The following ABCA3 variants were observed in gnomAD, a reference collection of about 807,000 sequenced individuals.
ABCA3 encodes the protein phospholipid-transporting ATPase ABCA3.
A neutral mutation model predicts 172.8 loss-of-function variants in ABCA3; 88 were observed. The observed-to-expected ratio is 0.51, with a 90% CI of 0.43 to 0.61. The LOEUF (loss-of-function observed/expected upper bound fraction) is 0.61. ABCA3 is among the 20% of genes least tolerant of loss of function. ABCA3 has a pLI of 0.00. For synonymous variants in ABCA3, 1,066 were observed against 983.8 expected (o/e 1.08, Z -1.56); for missense variants, 2,164 against 2,301.0 (o/e 0.94, Z 1.22).
rs2093650739 is a variant in ABCA3, at chr16:2,278,804, C to T, written c.4547+139G>A. On this transcript the variant is annotated intron_variant, in intron 29 of 32. Transcript: ENST00000301732. The surrounding 1 kb of genome is among the most constrained non-coding windows in gnomAD (Gnocchi z 4.4). ...TTCCTACGTGGAGCTACCTGGGTCA[C>T]ACCACCACATCCCAGCTCCATCCTG... The T allele has an allele frequency of 4.5e-6, 6 of 1,328,062 alleles. No individual in the cohort carries two copies. The South Asian group carries it at 5.0e-5, about 11-fold the overall frequency. The allele number at this position is 1,328,062 out of a possible 1,614,324, so 82.3% of individuals were successfully genotyped here. A position where few individuals can be genotyped will look rare whatever the true frequency, so the allele number is the denominator to read the frequency against.
At chr16:2,307,868 G>A (rs2093700314) in intron 11 of ABCA3, among the ~76,000 whole-genome samples, 3 of 152,166 alleles carry the variant, frequency 2.0e-5, no homozygotes, top group African/African-American at 4.8e-5. Flanking sequence ...GCCTCCCAAA[G>A]TGCTGGGATT....
At chr16:2,316,546 C>G (rs185117679) in intron 10 of ABCA3, among the ~76,000 whole-genome samples, 1 of 122,604 alleles carries the variant, frequency 8.2e-6, no homozygotes, top group African/African-American at 3.1e-5. Context: ...GGCGTGGTGG[C>G]ACACGCCTGT....
rs111920746 is a variant in ABCA3, at chr16:2,328,024, A to G, written c.-27+429T>C. Among the ~76,000 whole-genome samples the G allele has an allele frequency of 3.5e-3, 532 of 152,276 alleles. 2 individuals carry two copies. The highest frequency in any genetic ancestry group is 0.012 in the African/African-American group (497 of 41,558). On this transcript the variant is annotated intron_variant, in intron 3 of 32. Transcript: ENST00000301732. ...GCGTGAGCCACTGTGCCCAGCTGCCATTTTCATCTTTACCATCTGTCCAAC... is the reference window on the plus strand; with the variant it reads ...GCGTGAGCCACTGTGCCCAGCTGCCGTTTTCATCTTTACCATCTGTCCAAC...
Position 2,324,534 on chromosome 16 carries a change from G to A in ABCA3, c.320-3C>T, listed in dbSNP as rs772159859. The stretch of plus-strand genomic sequence containing the variant: ...CTTCTCGGAGGGAAAGCCGCGCACT[G>A]CAAAGAGAGAGCACGGGAGCTGTGG... On this transcript the variant is annotated splice_region_variant and splice_polypyrimidine_tract_variant and intron_variant, in intron 5 of 32. Transcript: ENST00000301732. The A allele has an allele frequency of 3.1e-6, 5 of 1,608,914 alleles. No homozygotes were observed. The highest frequency in any genetic ancestry group is 2.5e-6 in the Non-Finnish European group (3 of 1,179,950).
chr16:2,317,884 G>T (rs1416542688), intron 8 of ABCA3, 120 bp from the exon 9 acceptor site: 1 of 839,516 alleles, frequency 1.2e-6, no homozygotes, highest in Non-Finnish European at 2.0e-6. Context: ...ATTCGACAGG[G>T]TCTTACTATG....
intron 26 of ABCA3, among the ~76,000 whole-genome samples, chr16:2,282,653 C>A (rs2093656924): frequency 7.1e-6 from 1 of 140,116 alleles, no homozygotes; most frequent in East Asian, 2.2e-4. Flanking sequence ...GACTGGGCAC[C>A]CCTCAGCCCC....
intron 19 of ABCA3, 58 bp from the exon 20 acceptor site, chr16:2,289,678 G>A: frequency 2.0e-6 from 3 of 1,531,208 alleles, no homozygotes; most frequent in Non-Finnish European, 1.8e-6. Context: ...GGTGGAGGGA[G>A]GGACTATGGT....
chr16:2,315,805 AG>A (rs928497025), intron 10 of ABCA3, among the ~76,000 whole-genome samples: 7 of 149,012 alleles, frequency 4.7e-5, no homozygotes, highest in African/African-American at 1.2e-4. Flanking sequence ...CTAGGACCAC[AG>A]GGGCATGCCA....
Position 2,299,383 on chromosome 16 carries a change from G to C in ABCA3, c.1741+20C>G. On this transcript the variant is annotated intron_variant, in intron 14 of 32. Coordinates refer to ENST00000301732, the MANE Select transcript of ABCA3 (RefSeq NM_001089.3). Reference sequence around the variant, plus strand: ...AGGGGGGCCTGCTGGTGGCAGGGGCGTGAGGCGCCTGGCCCTCACCTGTGA... The same window carrying C: ...AGGGGGGCCTGCTGGTGGCAGGGGCCTGAGGCGCCTGGCCCTCACCTGTGA... The C allele has an allele frequency of 6.2e-7, 1 of 1,612,844 alleles. No homozygotes were observed. Among genetic ancestry groups the C allele is most frequent in the African/African-American group, 1.3e-5 (1 of 75,026 alleles).
Position 2,283,443 on chromosome 16 carries a change from G to T in ABCA3, c.3863-85C>A. On this transcript the variant is annotated intron_variant, in intron 25 of 32. Transcript: ENST00000301732. The surrounding 1 kb of genome is among the most constrained non-coding windows in gnomAD (Gnocchi z 5.4). Reference sequence around the variant, plus strand: ...TTCCCGGCCCCCACTCCCCTCCCCAGGCTGCTCAAGGCGCCTGTAACAATG... The same window carrying T: ...TTCCCGGCCCCCACTCCCCTCCCCATGCTGCTCAAGGCGCCTGTAACAATG... 1 of 1,469,522 alleles carries T rather than the reference G, an allele frequency of 6.8e-7. No individual in the cohort carries two copies. Among genetic ancestry groups the T allele is most frequent in the Non-Finnish European group, 9.3e-7 (1 of 1,077,518 alleles). The allele number at this position is 1,469,522 out of a possible 1,614,324, so 91.0% of individuals were successfully genotyped here. A position where few individuals can be genotyped will look rare whatever the true frequency, so the allele number is the denominator to read the frequency against.
intron 1 of ABCA3, among the ~76,000 whole-genome samples, chr16:2,338,012 T>A (rs1272852001): frequency 6.6e-6 from 1 of 152,204 alleles, no homozygotes; most frequent in African/African-American, 2.4e-5. Context: ...CTACTGCCTG[T>A]TTCCCTAACC....
chr16:2,335,329 G>A (rs2093750091), intron 1 of ABCA3, among the ~76,000 whole-genome samples: 1 of 152,036 alleles, frequency 6.6e-6, no homozygotes, highest in African/African-American at 2.4e-5. Context: ...TTTGTTTCCT[G>A]TAGGGACAGG....
At chr16:2,282,069 C>A (rs1369512961) in intron 26 of ABCA3, among the ~76,000 whole-genome samples, 1 of 152,170 alleles carries the variant, frequency 6.6e-6, no homozygotes, top group Non-Finnish European at 1.5e-5. Flanking sequence ...GGATTACAGG[C>A]ATTAGCCACC....
intron 12 of ABCA3, among the ~76,000 whole-genome samples, chr16:2,300,964 C>T (rs1471025990): frequency 1.3e-5 from 2 of 150,146 alleles, no homozygotes; most frequent in East Asian, 3.9e-4. Flanking sequence ...GGCACGGTGG[C>T]TCGAGCCTGT....
In ABCA3 at chr16:2,323,673, G is replaced by A. The variant is rs1596864705; in HGVS notation, c.463C>T (p.Arg155Trp). The change falls in exon 7 of 33, where the codon CGG becomes TGG. Residue 155 changes from arginine to tryptophan, a missense_variant. Arg to Trp is a moderately radical substitution (Grantham distance 101). This residue lies in a region of ABCA3 where 1,343 missense variants were observed against 1,369.6 expected (regional missense o/e 0.98). Coordinates refer to ENST00000301732, the MANE Select transcript of ABCA3 (RefSeq NM_001089.3). ...PLPLAVKYHL[R>W]FSYTRRNYMW... is the part of the protein sequence containing the mutation. ...TAATTTCTCCGTGTGTAACTGAACC[G>A]TAGGTGATATTTCACCTGTGGAAAC... 8 of 1,614,154 alleles carry A rather than the reference G, an allele frequency of 5.0e-6. No individual in the cohort carries two copies. Among genetic ancestry groups the A allele is most frequent in the Non-Finnish European group, 6.8e-6 (8 of 1,180,018 alleles).
rs1165416001 is a variant in ABCA3 at position 2,328,683 on chromosome 16, C to T, written c.-257G>A. 3 of 389,676 alleles carry T rather than the reference C, an allele frequency of 7.7e-6. No homozygotes were observed. Among genetic ancestry groups the T allele is most frequent in the African/African-American group, 6.2e-5 (3 of 48,128 alleles). 24.1% of individuals were successfully genotyped at this position (389,676 alleles called of 1,614,324 possible). On this transcript the variant is annotated 5_prime_UTR_variant, in exon 3 of 33. Coordinates refer to ENST00000301732, the MANE Select transcript of ABCA3 (RefSeq NM_001089.3). ...AGAGGAGTCCTTCCCGCTCAGCGTC[C>T]TTCATGTGCGGAAAAGCCTCCTTGA...
chr16:2,331,239 A>T lies in ABCA3; in HGVS notation c.-538-1385T>A, dbSNP rs1386566432. Among the ~76,000 whole-genome samples, 3 of 151,970 alleles carry T rather than the reference A, an allele frequency of 2.0e-5. No homozygotes were observed. The South Asian group carries it at 6.2e-4, about 32-fold the overall frequency. On this transcript the variant is annotated intron_variant, in intron 1 of 32. Coordinates refer to ENST00000301732, the MANE Select transcript of ABCA3 (RefSeq NM_001089.3). Reference sequence around the variant, plus strand: ...TTTCTTTTCTTTTTTTCTGAGACAGAGTCTCGCTCTGTCGCCGAGGCTGGG... The same window carrying T: ...TTTCTTTTCTTTTTTTCTGAGACAGTGTCTCGCTCTGTCGCCGAGGCTGGG...
chr16:2,325,216 C>T (rs911285972), intron 5 of ABCA3, among the ~76,000 whole-genome samples: 2 of 152,162 alleles, frequency 1.3e-5, no homozygotes, highest in South Asian at 2.1e-4. Context: ...GTTCTTGGCA[C>T]CACACGGTCA....
chr16:2,295,304 G>A (rs762277391), intron 18 of ABCA3, among the ~76,000 whole-genome samples: 9 of 152,234 alleles, frequency 5.9e-5, no homozygotes, highest in Non-Finnish European at 1.3e-4. Flanking sequence ...GTGTCAGAAG[G>A]GGGAGTGTGA....
Sources: allele counts gnomAD v4.1 joint callset (sites outside exome capture counted in the v4.1 genomes callset), GRCh38; gene constraint gnomAD v4.1.1; regional missense constraint gnomAD v4.1.1; non-coding constraint Gnocchi (gnomAD v3.1); transcripts MANE v1.5; gene names NCBI Gene and HGNC (gene_info 2026-07-23, HGNC 2026-07-21).